The following SIGLEC5 variants were observed in gnomAD, a reference collection of about 807,000 sequenced individuals.
SIGLEC5 encodes sialic acid binding Ig like lectin 5.
In SIGLEC5, 34 loss-of-function variants were observed where a neutral mutation model predicts 45.9. The observed-to-expected ratio is 0.74, with a 90% CI of 0.56 to 0.99. The LOEUF is 0.99. SIGLEC5 is among the 50% of genes least tolerant of loss of function. The pLI is 0.00. For synonymous variants in SIGLEC5, 203 were observed against 258.6 expected (o/e 0.79, Z 2.06); for missense variants, 508 against 629.6 (o/e 0.81, Z 2.07).
chr19:51,628,149 A>G (rs1983574920), intron 4 of SIGLEC5, 58 bp from the exon 5 acceptor site: 1 of 1,466,126 alleles, frequency 6.8e-7, no homozygotes, highest in South Asian at 1.5e-5. Flanking sequence ...GACAGTCCCT[A>G]TCCTTCCCTC....
At position 51,627,383 on chromosome 19, in the gene SIGLEC5, C is replaced by A. The variant is rs1162878029; in HGVS notation, c.1282+79G>T. ...CCTGTCTCCCCACCACCAGTCCAGCCTCTCTCTCCCACCATCCATCACTCT... is the reference window on the plus strand; with the variant it reads ...CCTGTCTCCCCACCACCAGTCCAGCATCTCTCTCCCACCATCCATCACTCT... On this transcript the variant is annotated intron_variant, in intron 6 of 8. Transcript: ENST00000683636. 3.2e-6 allele frequency: 5 copies of A among 1,553,364 alleles called. No individual in the cohort carries two copies. The Admixed American group carries it at 7.2e-5, about 22-fold the overall frequency.
At chr19:51,616,050 A>G (rs1474730908) in intron 8 of SIGLEC5, among the ~76,000 whole-genome samples, 3 of 152,204 alleles carry the variant, frequency 2.0e-5, no homozygotes, top group Non-Finnish European at 4.4e-5. Flanking sequence ...TGCTGGGATT[A>G]TAGGCGTGAG....
rs1383747377 is a variant in SIGLEC5, at chr19:51,627,553, G to A, written c.1191C>T (p.Ile397=). 1 of 1,614,106 alleles carries A rather than the reference G, an allele frequency of 6.2e-7. No homozygotes were observed. Among genetic ancestry groups the A allele is most frequent in the Admixed American group, 1.7e-5 (1 of 60,026 alleles). ...GGTCGGAGCTGAGCCCCCCGTGGAG[G>A]ATCAGGGAGCTGTTGGCCCAGGGCC... ...SAGPWANSSL[I]LHGGLSSDLK... is the part of the protein sequence containing the mutation. The change falls in exon 6 of 9, where the codon ATC becomes ATT. Residue 397 remains isoleucine (I), a synonymous_variant. Transcript: ENST00000683636.
intron 8 of SIGLEC5, among the ~76,000 whole-genome samples, chr19:51,625,774 G>A (rs1480195655): frequency 1.3e-5 from 2 of 152,192 alleles, no homozygotes; most frequent in Non-Finnish European, 2.9e-5. Context: ...AGTTTGCAGT[G>A]AGCCAAGATC....
Position 51,612,088 on chromosome 19 carries a change from C to G in SIGLEC5, c.*143G>C, listed in dbSNP as rs2122607988. ...TAGATTTGAGCCCACCTCTCTAATTCCATCTGCTTGGAGCACTTAAACATC... is the reference window on the plus strand; with the variant it reads ...TAGATTTGAGCCCACCTCTCTAATTGCATCTGCTTGGAGCACTTAAACATC... On this transcript the variant is annotated 3_prime_UTR_variant, in exon 9 of 9. Transcript: ENST00000683636. 3.9e-5 allele frequency: 1 copy of G among 25,324 alleles called. No individual in the cohort carries two copies. The highest frequency in any genetic ancestry group is 7.9e-5 in the Non-Finnish European group (1 of 12,698). 1.6% of individuals were successfully genotyped at this position (25,324 alleles called of 1,614,324 possible). A position where few individuals can be genotyped will look rare whatever the true frequency, so the allele number is the denominator to read the frequency against.
Position 51,611,248 on chromosome 19 carries a change from A to G in SIGLEC5, c.*983T>C, listed in dbSNP as rs1328569846. On this transcript the variant is annotated 3_prime_UTR_variant, in exon 9 of 9. Transcript: ENST00000683636. ...GCTGCTTTTGGTTTAGCATTTTAAA[A>G]AATAAATTAGTTCAATTTTAGAGGA... Among the ~76,000 whole-genome samples, 1 of 152,224 alleles carries G rather than the reference A, an allele frequency of 6.6e-6. No homozygotes were observed. The highest frequency in any genetic ancestry group is 1.5e-5 in the Non-Finnish European group (1 of 68,036).
intron 8 of SIGLEC5, among the ~76,000 whole-genome samples, chr19:51,620,424 A>G (rs908146526): frequency 6.6e-6 from 1 of 152,242 alleles, no homozygotes; most frequent in Non-Finnish European, 1.5e-5. Flanking sequence ...GCTATGAATA[A>G]TATGGTTTTC....
intron 8 of SIGLEC5, 73 bp downstream of exon 8, chr19:51,625,959 G>T: frequency 2.5e-6 from 3 of 1,203,904 alleles, no homozygotes; most frequent in South Asian, 1.2e-5. Context: ...GAGTGGGTTT[G>T]GTGGAATGCT....
rs1163421667 is a variant in SIGLEC5, at chr19:51,627,840, CTG to C, written c.989_990del (p.Ser330CysfsTer17). The C allele has an allele frequency of 6.2e-6, 10 of 1,602,792 alleles. No homozygotes were observed. The East Asian group carries it at 8.9e-5, about 14-fold the overall frequency. ...CAGCTGCCCCCACACTCACAGTAAA[CTG>C]AGAGATTCAGAAAAATTTGCAGGAA... ...LGFLQIFLNL[S>X]VYSLPQLLGP... On this transcript the variant is annotated frameshift_variant, in exon 5 of 9. Transcript: ENST00000683636. LOFTEE classifies it high-confidence loss of function.
intron 8 of SIGLEC5, among the ~76,000 whole-genome samples, chr19:51,614,960 G>T (rs117855356): frequency 0.039 from 5,866 of 152,006 alleles, 165 homozygotes; most frequent in Middle Eastern, 0.058. Context: ...TTCTATAGGA[G>T]AAAACAAAAA....
Position 51,629,386 on chromosome 19 carries a change from C to T in SIGLEC5, c.672G>A (p.Thr224=), listed in dbSNP as rs373250074. 19 of 1,613,772 alleles carry T rather than the reference C, an allele frequency of 1.2e-5. No individual in the cohort carries two copies. The African/African-American group carries it at 1.9e-4, about 16-fold the overall frequency. Residue 224 remains threonine (T), a synonymous_variant, in exon 3 of 9, where the codon ACG becomes ACA. Transcript: ENST00000683636. Reference sequence around the variant, plus strand: ...AGACATTGAGCTGGACAGTTCTCTCCGTGGTCACCTGAGCTCCTTGGCGTT... The same window carrying T: ...AGACATTGAGCTGGACAGTTCTCTCTGTGGTCACCTGAGCTCCTTGGCGTT... ...QMKRQGAQVT[T]ERTVQLNVSY... is the part of the protein sequence containing the mutation.
chr19:51,627,887 C>G lies in SIGLEC5; in HGVS notation c.944G>C (p.Arg315Pro). 1.2e-6 allele frequency: 2 copies of G among 1,613,236 alleles called. No homozygotes were observed. Among genetic ancestry groups the G allele is most frequent in the African/African-American group, 1.3e-5 (1 of 75,000 alleles). The change falls in exon 5 of 9, where the codon CGC becomes CCC. Residue 315 changes from arginine to proline, a missense_variant. By Grantham distance (103) the Arg-to-Pro change is moderately radical. Around this residue, in one of 2 missense-constraint regions of SIGLEC5, gnomAD observed 431 missense variants for 428.8 expected, o/e 1.01. Coordinates refer to ENST00000683636, the MANE Select transcript of SIGLEC5 (RefSeq NM_003830.4). ...CAGGAAGCCCAGCGGGTGCTGAGCG[C>G]GGCAGGTGAAGCCTCCTTCTTCTGC... ...RSAEEGGFTC[R>P]AQHPLGFLQI...
At chr19:51,627,366 C>CCCA in intron 6 of SIGLEC5, 96 bp downstream of exon 6, 1 of 1,540,674 alleles carries the variant, frequency 6.5e-7, no homozygotes, top group Non-Finnish European at 8.8e-7. Flanking sequence ...ACCCTGTCTC[C>CCCA]CCACCACCAG....
intron 3 of SIGLEC5, 103 bp from the exon 4 acceptor site, chr19:51,629,179 A>G: frequency 6.6e-7 from 1 of 1,524,036 alleles, no homozygotes; most frequent in Non-Finnish European, 9.0e-7. Context: ...CCAAGCGGGG[A>G]AGGCTGTCCT....
intron 8 of SIGLEC5, among the ~76,000 whole-genome samples, chr19:51,613,959 G>A (rs886406582): frequency 2.0e-5 from 3 of 152,142 alleles, no homozygotes; most frequent in Non-Finnish European, 4.4e-5. Context: ...CCAGAAAAGA[G>A]ATGGCAATTC....
Position 51,616,918 on chromosome 19 carries a change from AC to A in SIGLEC5, c.1465-4497del, listed in dbSNP as rs1172366002. ...AGAGTGAGACTGTCAAAAAAAAAAA[AC>A]AAAAAAAAAAAACACTTGAACATTT... is the stretch of plus-strand genomic sequence containing the variant. On this transcript the variant is annotated intron_variant, in intron 8 of 8. Transcript: ENST00000683636. Among the ~76,000 whole-genome samples, 49 of 136,214 alleles carry A rather than the reference AC, an allele frequency of 3.6e-4. 15 individuals are homozygous for A. Among genetic ancestry groups the A allele is most frequent in the Non-Finnish European group, 5.8e-4 (35 of 60,226 alleles). The allele number at this position is 136,214 out of a possible 152,430, so 89.4% of individuals were successfully genotyped here.
intron 7 of SIGLEC5, 112 bp from the exon 8 acceptor site, chr19:51,626,225 G>A: frequency 1.2e-6 from 1 of 806,908 alleles, no homozygotes; most frequent in African/African-American, 1.7e-5. Flanking sequence ...CCAGGCCCCG[G>A]AACTAAACTC....
intron 8 of SIGLEC5, among the ~76,000 whole-genome samples, chr19:51,622,720 A>G (rs910176297): frequency 1.2e-4 from 18 of 152,214 alleles, no homozygotes; most frequent in African/African-American, 4.3e-4. Flanking sequence ...AAGGAGAAAC[A>G]TATATGGATC....
rs748153203 is a variant in SIGLEC5, at chr19:51,627,708, C to T, written c.1036G>A (p.Ala346Thr). The T allele has an allele frequency of 3.1e-6, 5 of 1,600,842 alleles. No homozygotes were observed. In the South Asian group the frequency reaches 5.6e-5, roughly 18 times the overall value. The change falls in exon 6 of 9, where the codon GCT (alanine) becomes ACT (threonine). Residue 346 changes from alanine (A) to threonine (T), a missense_variant. Physicochemically the swap from Ala to Thr is moderately conservative, Grantham distance 58 (BLOSUM62 0). Coordinates refer to ENST00000683636, the MANE Select transcript of SIGLEC5 (RefSeq NM_003830.4). ...GAGCATCTGCAGTGCAGACCCTCAG[C>T]CTCCCAGGAGCAGGAGGGGCCCAGC... ...QLLGPSCSWE[A>T]EGLHCRCSFR...
Sources: allele counts gnomAD v4.1 joint callset (sites outside exome capture counted in the v4.1 genomes callset), GRCh38; gene constraint gnomAD v4.1.1; regional missense constraint gnomAD v4.1.1; transcripts MANE v1.5; gene names NCBI Gene and HGNC (gene_info 2026-07-23, HGNC 2026-07-21).